VSTM1: variants seen among roughly 807,000 people sequenced by gnomAD.
The protein encoded by VSTM1 is V-set and transmembrane domain-containing protein 1.
Under a neutral mutation model 33.1 loss-of-function variants are expected in VSTM1, and 27 were observed. The ratio of observed to expected loss-of-function variants is 0.82; its 90% CI spans 0.60 to 1.12. The LOEUF is 1.12. VSTM1 is among the 50% of genes most tolerant of loss of function. VSTM1 has a pLI of 0.00. For missense variants in VSTM1, 304 were observed against 288.9 expected, an observed-to-expected ratio of 1.05 and a Z score of -0.38; for synonymous variants, 115 against 110.3, an observed-to-expected ratio of 1.04 and a Z score of -0.27.
At chr19:54,044,376 T>A (rs1161555413) in intron 4 of VSTM1, among the ~76,000 whole-genome samples, 1 of 152,070 alleles carries the variant, frequency 6.6e-6, no homozygotes, top group African/African-American at 2.4e-5. Flanking sequence ...CTGGCCAACA[T>A]GGTGAAACCC....
intron 3 of VSTM1, among the ~76,000 whole-genome samples, chr19:54,057,536 G>C (rs1478428565): frequency 6.6e-6 from 1 of 150,950 alleles, no homozygotes; most frequent in African/African-American, 2.4e-5. Context: ...GCAGCCGAGC[G>C]CAGTGGCTCA....
Position 54,052,371 on chromosome 19 carries a change from C to A in VSTM1, c.356-923G>T, listed in dbSNP as rs1437272177. On this transcript the variant is annotated intron_variant, in intron 3 of 8. Transcript: ENST00000338372. ...CGAGATCGCGCCACTGCACTCCAGCCTGAGGGACAGAGCCAGACTCCGTCT... is the reference window on the plus strand; with the variant it reads ...CGAGATCGCGCCACTGCACTCCAGCATGAGGGACAGAGCCAGACTCCGTCT... Among the ~76,000 whole-genome samples the A allele has an allele frequency of 1.4e-5, 2 of 140,088 alleles. 1 individual carries two copies. The highest frequency in any genetic ancestry group is 5.3e-5 in the African/African-American group (2 of 37,784). The allele number at this position is 140,088 out of a possible 152,430, so 91.9% of individuals were successfully genotyped here.
intron 4 of VSTM1, among the ~76,000 whole-genome samples, chr19:54,045,679 A>G (rs189534599): frequency 6.6e-6 from 1 of 152,176 alleles, no homozygotes; most frequent in Admixed American, 6.5e-5. Context: ...TATTTAATCT[A>G]TTCTATCTAG....
intron 4 of VSTM1, among the ~76,000 whole-genome samples, chr19:54,043,225 G>T (rs2146038301): frequency 6.6e-6 from 1 of 152,128 alleles, no homozygotes; most frequent in Non-Finnish European, 1.5e-5. Context: ...AAGACTTTAA[G>T]AGAAAAGACT....
chr19:54,058,217 G>C, intron 3 of VSTM1, 89 bp downstream of exon 3: 1 of 1,376,856 alleles, frequency 7.3e-7, no homozygotes, highest in Non-Finnish European at 9.8e-7. Context: ...TCCAGCCTGG[G>C]AGACACAGCA....
chr19:54,056,668 C>A (rs894483129), intron 3 of VSTM1, among the ~76,000 whole-genome samples: 1 of 140,024 alleles, frequency 7.1e-6, no homozygotes, highest in African/African-American at 2.6e-5. Context: ...TGTAACAGAC[C>A]ATCTTTTCCA....
intron 1 of VSTM1, among the ~76,000 whole-genome samples, chr19:54,060,389 A>G (rs1399002339): frequency 5.3e-5 from 8 of 152,176 alleles, no homozygotes; most frequent in Non-Finnish European, 1.0e-4. Flanking sequence ...GAATTTAGGT[A>G]GAAATTCTCT....
intron 3 of VSTM1, among the ~76,000 whole-genome samples, chr19:54,052,376 G>GAC (rs2070896255): frequency 8.2e-6 from 1 of 121,394 alleles, no homozygotes; most frequent in Non-Finnish European, 1.8e-5. Context: ...CCAGCCTGAG[G>GAC]GACAGAGCCA....
In VSTM1 at chr19:54,051,443, G is replaced by A; in HGVS notation, c.361C>T (p.His121Tyr). 2 of 1,593,892 alleles carry A rather than the reference G, an allele frequency of 1.3e-6. No homozygotes were observed. Among genetic ancestry groups the A allele is most frequent in the East Asian group, 2.3e-5 (1 of 43,892 alleles). ...EHLQLVVTDK[H>Y]DELEAPSMKT... ...ATTGAGGGAGCTTCAAGTTCATCGT[G>A]TTTATCTAGAAAATAGGAGGGAAGA... is the stretch of plus-strand genomic sequence containing the variant. The change falls in exon 4 of 9, where the codon CAC becomes TAC. Residue 121 changes from histidine (H) to tyrosine (Y), a missense_variant. By Grantham distance (83) the His-to-Tyr change is moderately conservative. Transcript: ENST00000338372.
chr19:54,042,731 CAT>C (rs1336139150), intron 4 of VSTM1, among the ~76,000 whole-genome samples: 6 of 124,826 alleles, frequency 4.8e-5, no homozygotes, highest in South Asian at 2.6e-4. Context: ...CCAGGTGCTC[CAT>C]ATATATATAT....
intron 4 of VSTM1, among the ~76,000 whole-genome samples, chr19:54,044,604 AAAAAC>A (rs1276375428): frequency 6.6e-6 from 1 of 152,210 alleles, no homozygotes; most frequent in Non-Finnish European, 1.5e-5. Flanking sequence ...ATTAAAAAAC[AAAAAC>A]AAAACAAAAC....
chr19:54,052,202 T>G (rs1439581663), intron 3 of VSTM1, among the ~76,000 whole-genome samples: 3 of 149,744 alleles, frequency 2.0e-5, no homozygotes, highest in East Asian at 2.1e-4. Flanking sequence ...ATCGAGACCA[T>G]CCTGGCTAAC....
Position 54,041,959 on chromosome 19 carries a change from A to G in VSTM1, c.516-6T>C, listed in dbSNP as rs1318112317. ...GAAGTTTGGAATGGCTGGTTCTGAAAGAGAGAGACACACGTGAAAGGATGG... is the reference window on the plus strand; with the variant it reads ...GAAGTTTGGAATGGCTGGTTCTGAAGGAGAGAGACACACGTGAAAGGATGG... On this transcript the variant is annotated splice_region_variant and splice_polypyrimidine_tract_variant and intron_variant, in intron 6 of 8. Coordinates refer to ENST00000338372, the MANE Select transcript of VSTM1 (RefSeq NM_198481.4). 5.0e-6 allele frequency: 8 copies of G among 1,613,848 alleles called. No individual in the cohort carries two copies. Among genetic ancestry groups the G allele is most frequent in the Non-Finnish European group, 6.8e-6 (8 of 1,179,882 alleles).
At chr19:54,048,634 T>C (rs4806697) in intron 4 of VSTM1, among the ~76,000 whole-genome samples, 28,394 of 152,062 alleles carry the variant, frequency 0.19, 3,252 homozygotes, top group African/African-American at 0.32. Context: ...CCTCAAAAAG[T>C]TGAACATAAT....
At chr19:54,048,062 G>A (rs1033255492) in intron 4 of VSTM1, among the ~76,000 whole-genome samples, 1 of 149,392 alleles carries the variant, frequency 6.7e-6, no homozygotes, top group Non-Finnish European at 1.5e-5. Flanking sequence ...GTGTGTTTTA[G>A]GCATATAAAT....
chr19:54,055,498 A>G (rs1262797345), intron 3 of VSTM1: 5 of 142,682 alleles, frequency 3.5e-5, no homozygotes, highest in African/African-American at 1.3e-4. Context: ...TTATCACTCT[A>G]TCCTCACCTG....
In VSTM1 at chr19:54,047,423, G is replaced by A. The variant is rs557476641; in HGVS notation, c.394+3987C>T. Among the ~76,000 whole-genome samples, 244 of 152,076 alleles carry A rather than the reference G, an allele frequency of 1.6e-3. 1 individual carries two copies. Among genetic ancestry groups the A allele is most frequent in the African/African-American group, 5.3e-3 (222 of 41,506 alleles). ...TTCTCCTGCCTCAGCCTCCCAAGGA[G>A]CTGGGATTACAAGCACCCGCCACCT... On this transcript the variant is annotated intron_variant, in intron 4 of 8. Coordinates refer to ENST00000338372, the MANE Select transcript of VSTM1 (RefSeq NM_198481.4).
chr19:54,052,595 G>A (rs116360898), intron 3 of VSTM1, among the ~76,000 whole-genome samples: 2,112 of 140,236 alleles, frequency 0.015, 324 homozygotes, highest in African/African-American at 0.052. Context: ...AAGGGTATAA[G>A]TTTCCAGTTC....
chr19:54,045,572 A>G (rs1479249185), intron 4 of VSTM1, among the ~76,000 whole-genome samples: 1 of 151,874 alleles, frequency 6.6e-6, no homozygotes, highest in Non-Finnish European at 1.5e-5. Flanking sequence ...TAGTTACCAA[A>G]TCTATCATCT....
Sources: allele counts gnomAD v4.1 joint callset (sites outside exome capture counted in the v4.1 genomes callset), GRCh38; gene constraint gnomAD v4.1.1; transcripts MANE v1.5; gene names NCBI Gene and HGNC (gene_info 2026-07-23, HGNC 2026-07-21).